The following SUPT3H variants were observed in gnomAD, a reference collection of about 807,000 sequenced individuals.
The protein encoded by SUPT3H is transcription initiation protein SPT3 homolog.
SUPT3H carries 44 observed loss-of-function variants against 44.3 expected under a neutral mutation model. That is an observed-to-expected ratio of 0.99 (90% CI 0.78 to 1.28). SUPT3H has a LOEUF of 1.28. Ranked by LOEUF, SUPT3H falls within the 50% of genes most tolerant of loss-of-function variation. The pLI is 0.00. For synonymous variants in SUPT3H, 124 were observed against 125.6 expected (o/e 0.99, Z 0.09); for missense variants, 380 against 387.1 (o/e 0.98, Z 0.15).
At chr6:45,099,084 G>T in intron 3 of SUPT3H, 1 of 368,312 alleles carries the variant, frequency 2.7e-6, no homozygotes. Flanking sequence ...TCCAGCTGTG[G>T]TGAACATTGC....
intron 2 of SUPT3H, among the ~76,000 whole-genome samples, chr6:45,131,819 G>T (rs892658926): frequency 1.3e-5 from 2 of 152,110 alleles, no homozygotes; most frequent in African/African-American, 4.8e-5. Context: ...TGTAACTACA[G>T]TCCCCAAATA....
intron 3 of SUPT3H, among the ~76,000 whole-genome samples, chr6:45,091,945 G>T (rs1039050186): frequency 2.0e-5 from 3 of 151,422 alleles, no homozygotes; most frequent in African/African-American, 7.3e-5. Flanking sequence ...TACGCATACT[G>T]GGCTAAATAC....
chr6:45,221,819 C>A (rs1465008639), intron 2 of SUPT3H, among the ~76,000 whole-genome samples: 1 of 151,980 alleles, frequency 6.6e-6, no homozygotes, highest in Admixed American at 6.6e-5. Context: ...TCTAGAACAG[C>A]TAAAACAATC....
intron 3 of SUPT3H, among the ~76,000 whole-genome samples, chr6:45,079,346 A>G (rs1279378740): frequency 1.3e-5 from 2 of 151,912 alleles, no homozygotes; most frequent in Non-Finnish European, 2.9e-5. Context: ...AGCAAAAAGG[A>G]AGAAAAAGAA....
chr6:45,287,007 C>A (rs554619125), intron 2 of SUPT3H, among the ~76,000 whole-genome samples: 1 of 152,178 alleles, frequency 6.6e-6, no homozygotes, highest in South Asian at 2.1e-4. Flanking sequence ...AAACCAAACA[C>A]CACATGTTCT....
chr6:44,945,646 T>A (rs1292531372), intron 9 of SUPT3H, among the ~76,000 whole-genome samples: 1 of 152,192 alleles, frequency 6.6e-6, no homozygotes, highest in African/African-American at 2.4e-5. Flanking sequence ...TAACTCTCTT[T>A]AATTCTGTGA....
At chr6:45,072,712 G>C (rs551958651) in intron 3 of SUPT3H, among the ~76,000 whole-genome samples, 32 of 152,158 alleles carry the variant, frequency 2.1e-4, no homozygotes, top group African/African-American at 7.7e-4. Context: ...CACATTCAGA[G>C]TCTGACTCTT....
intron 2 of SUPT3H, among the ~76,000 whole-genome samples, chr6:45,169,927 C>T (rs1200657975): frequency 6.6e-6 from 1 of 152,134 alleles, no homozygotes; most frequent in Non-Finnish European, 1.5e-5. Context: ...AAAGAAGATG[C>T]TAAATAAAAT....
chr6:45,053,490 G>A (rs1790629450), intron 3 of SUPT3H, among the ~76,000 whole-genome samples: 1 of 151,904 alleles, frequency 6.6e-6, no homozygotes, highest in African/African-American at 2.4e-5. Context: ...TGAGGTGCAA[G>A]AAACACAACT....
chr6:44,882,592 T>G (rs1441923641), intron 10 of SUPT3H, among the ~76,000 whole-genome samples: 1 of 152,068 alleles, frequency 6.6e-6, no homozygotes. Context: ...ATAAAGAAAA[T>G]TTCAGGCCAA....
At chr6:45,331,169 C>T (rs1787430884) in intron 2 of SUPT3H, among the ~76,000 whole-genome samples, 1 of 151,496 alleles carries the variant, frequency 6.6e-6, no homozygotes, top group African/African-American at 2.4e-5. Context: ...ATGTCTGTGT[C>T]CTTGATCTCT....
chr6:45,148,605 A>T (rs1044995505), intron 2 of SUPT3H, among the ~76,000 whole-genome samples: 1 of 152,176 alleles, frequency 6.6e-6, no homozygotes, highest in African/African-American at 2.4e-5. Flanking sequence ...ACTGATACCT[A>T]TTCAGATCTA....
intron 9 of SUPT3H, among the ~76,000 whole-genome samples, chr6:44,936,494 T>C (rs1771440169): frequency 2.6e-5 from 4 of 152,138 alleles, no homozygotes. Context: ...CCCTACTTAC[T>C]CCCAACCTTC....
intron 2 of SUPT3H, among the ~76,000 whole-genome samples, chr6:45,312,688 G>GC (rs1221105806): frequency 7.3e-6 from 1 of 137,546 alleles, no homozygotes; most frequent in Non-Finnish European, 1.6e-5. Context: ...AATGTGGGGG[G>GC]GGGGGGGGAC....
At chr6:45,194,391 A>G (rs1748241) in intron 2 of SUPT3H, among the ~76,000 whole-genome samples, 5,311 of 152,184 alleles carry the variant, frequency 0.035, 123 homozygotes, top group Non-Finnish European at 0.056. Flanking sequence ...TTATATATCT[A>G]CAAATATAAA....
intron 2 of SUPT3H, among the ~76,000 whole-genome samples, chr6:45,211,782 G>A (rs1764120683): frequency 6.6e-6 from 1 of 152,062 alleles, no homozygotes; most frequent in Admixed American, 6.6e-5. Flanking sequence ...CCCGGAGGCG[G>A]ACGTTGCAGT....
intron 5 of SUPT3H, among the ~76,000 whole-genome samples, chr6:45,011,821 T>C (rs372438632): frequency 6.6e-6 from 1 of 152,146 alleles, no homozygotes; most frequent in African/African-American, 2.4e-5. Flanking sequence ...AATTATTTGG[T>C]GCAGCTTGCT....
chr6:45,074,427 G>GT lies in SUPT3H; in HGVS notation c.186+31494dup, dbSNP rs565962381. Reference sequence around the variant, plus strand: ...AAAGTTTGAATAGACACACCACAAAGTGAGATATATGAAAGGCAATAAGCC... The same window carrying GT: ...AAAGTTTGAATAGACACACCACAAAGTTGAGATATATGAAAGGCAATAAGCC... On this transcript the variant is annotated intron_variant, in intron 3 of 10. Transcript: ENST00000371459. 5.9e-4 allele frequency among the ~76,000 whole-genome samples: 89 copies of GT among 152,052 alleles called. No homozygotes were observed. The South Asian group carries it at 6.2e-3, about 11-fold the overall frequency.
chr6:45,055,585 T>C (rs1374689080), intron 3 of SUPT3H, among the ~76,000 whole-genome samples: 1 of 152,122 alleles, frequency 6.6e-6, no homozygotes, highest in Non-Finnish European at 1.5e-5. Flanking sequence ...GACACCCTAT[T>C]CAACAAATGG....
Sources: allele counts gnomAD v4.1 joint callset (sites outside exome capture counted in the v4.1 genomes callset), GRCh38; gene constraint gnomAD v4.1.1; transcripts MANE v1.5; gene names NCBI Gene and HGNC (gene_info 2026-07-23, HGNC 2026-07-21).